Variants in EMILIN2 observed in about 807,000 individuals in gnomAD.
EMILIN2 encodes the protein EMILIN-2.
In EMILIN2, 71 loss-of-function variants were observed where a neutral mutation model predicts 87.1. The observed-to-expected ratio is 0.82, with a 90% CI of 0.67 to 0.99. EMILIN2 has a LOEUF of 0.99. Ranked by LOEUF, EMILIN2 falls within the 50% of genes least tolerant of loss-of-function variation. The pLI is 0.00. For synonymous variants in EMILIN2, 581 were observed against 563.4 expected (o/e 1.03, Z -0.44); for missense variants, 1,407 against 1,371.8 (o/e 1.03, Z -0.40).
At position 2,914,983 on chromosome 18, in the gene EMILIN2, A is replaced by T. The variant is rs2076959367; in HGVS notation, c.*1579A>T. 1.3e-5 allele frequency: 2 copies of T among 152,310 alleles called. No individual in the cohort carries two copies. The highest frequency in any genetic ancestry group is 4.8e-5 in the African/African-American group (2 of 41,464). The allele number at this position is 152,310 out of a possible 1,614,324, so 9.4% of individuals were successfully genotyped here. ...AGGAATGACTCATGGAAAGCGCCCC[A>T]GTGCAGCAGTGTTTTCAGGAAAACC... On this transcript the variant is annotated 3_prime_UTR_variant, in exon 8 of 8. Coordinates refer to ENST00000254528, the MANE Select transcript of EMILIN2 (RefSeq NM_032048.3).
rs946021514 is a variant in EMILIN2, at chr18:2,880,334, C to A, written c.258-4630C>A. ...CTCCTGGGCCAGTCTAGTGTCTTGA[C>A]ACGGTTGCTGAACCCATTAAAATGG... On this transcript the variant is annotated intron_variant, in intron 2 of 7. Transcript: ENST00000254528. This position sits in a 1 kb window ranked among gnomAD's most constrained non-coding sequence, Gnocchi z 4.1. Among the ~76,000 whole-genome samples the A allele has an allele frequency of 4.6e-5, 7 of 152,138 alleles. No homozygotes were observed. The highest frequency in any genetic ancestry group is 1.7e-4 in the African/African-American group (7 of 41,428).
At position 2,891,206 on chromosome 18, in the gene EMILIN2, G is replaced by T; in HGVS notation, c.1079G>T (p.Ser360Ile). Reference sequence around the variant, plus strand: ...CAGCAGCAGTGTGATGACTATGGGAGCAGCTACCTGGGAGTGATAGAGCTC... The same window carrying T: ...CAGCAGCAGTGTGATGACTATGGGATCAGCTACCTGGGAGTGATAGAGCTC... ...GLQQQCDDYG[S>I]SYLGVIELIG... Residue 360 changes from serine to isoleucine, a missense_variant, in exon 4 of 8, where the codon AGC (serine) becomes ATC (isoleucine). Physicochemically the swap from Ser to Ile is moderately radical, Grantham distance 142. Coordinates refer to ENST00000254528, the MANE Select transcript of EMILIN2 (RefSeq NM_032048.3). The surrounding 1 kb of genome is among the most constrained non-coding windows in gnomAD (Gnocchi z 4.6). 6.2e-7 allele frequency: 1 copy of T among 1,614,234 alleles called. No individual in the cohort carries two copies. The highest frequency in any genetic ancestry group is 1.3e-5 in the African/African-American group (1 of 75,072).
At chr18:2,912,737 C>T (rs548885978) in intron 7 of EMILIN2, among the ~76,000 whole-genome samples, 12 of 152,264 alleles carry the variant, frequency 7.9e-5, no homozygotes, top group Non-Finnish European at 1.5e-4. Flanking sequence ...TGGCAAGCTT[C>T]GTTTTTATTG....
At chr18:2,899,695 G>C (rs1241238870) in intron 4 of EMILIN2, among the ~76,000 whole-genome samples, 1 of 151,828 alleles carries the variant, frequency 6.6e-6, no homozygotes, top group African/African-American at 2.4e-5. Context: ...GTAGAGACAG[G>C]GTTTCACCAT....
chr18:2,881,181 A>G (rs1257946210), intron 2 of EMILIN2, among the ~76,000 whole-genome samples: 1 of 152,150 alleles, frequency 6.6e-6, no homozygotes, highest in Non-Finnish European at 1.5e-5. Flanking sequence ...GCAGGGCCCA[A>G]GGCCACCTCT....
intron 4 of EMILIN2, among the ~76,000 whole-genome samples, chr18:2,899,700 C>A (rs1289566940): frequency 6.6e-6 from 1 of 152,098 alleles, no homozygotes; most frequent in Non-Finnish European, 1.5e-5. Flanking sequence ...GACAGGGTTT[C>A]ACCATGTTGG....
At chr18:2,846,373 T>C (rs903865905), upstream of EMILIN2, among the ~76,000 whole-genome samples, 6 of 152,286 alleles carry the variant, frequency 3.9e-5, no homozygotes, top group East Asian at 1.9e-4. The surrounding 1 kb of genome is among the most constrained non-coding windows in gnomAD (Gnocchi z 5.3). Flanking sequence ...TGGAGGAGAA[T>C]TGCAGTAAGT....
chr18:2,871,100 G>A (rs1334979862), intron 2 of EMILIN2, among the ~76,000 whole-genome samples: 1 of 152,116 alleles, frequency 6.6e-6, no homozygotes, highest in Non-Finnish European at 1.5e-5. Flanking sequence ...ACATTTTCCG[G>A]TACTGGGGGT....
At chr18:2,909,251 T>A (rs2076929459) in intron 6 of EMILIN2, among the ~76,000 whole-genome samples, 1 of 152,164 alleles carries the variant, frequency 6.6e-6, no homozygotes, top group African/African-American at 2.4e-5. Context: ...AGGGGATCAC[T>A]GGGTGGGCCT....
chr18:2,875,538 A>G (rs902835686), intron 2 of EMILIN2, among the ~76,000 whole-genome samples: 1 of 152,116 alleles, frequency 6.6e-6, no homozygotes, highest in African/African-American at 2.4e-5. Flanking sequence ...GCCTCCATCA[A>G]GTCTTCGATG....
upstream of EMILIN2, chr18:2,846,706 G>C (rs1181019541): frequency 2.0e-6 from 2 of 978,444 alleles, no homozygotes; most frequent in South Asian, 9.4e-5. This position sits in a 1 kb window ranked among gnomAD's most constrained non-coding sequence, Gnocchi z 5.3. Context: ...CGCCGACGGC[G>C]GCCGCGTCCC....
intron 2 of EMILIN2, among the ~76,000 whole-genome samples, chr18:2,849,457 A>G (rs1158631924): frequency 6.6e-6 from 1 of 152,104 alleles, no homozygotes; most frequent in Non-Finnish European, 1.5e-5. Context: ...ATTTTCTCAA[A>G]TTATTTTAGC....
At chr18:2,865,179 G>T (rs1047908144) in intron 2 of EMILIN2, among the ~76,000 whole-genome samples, 2 of 151,924 alleles carry the variant, frequency 1.3e-5, no homozygotes, top group African/African-American at 4.8e-5. Flanking sequence ...CCTTTAGCTC[G>T]TAGTAGTTTG....
Position 2,907,154 on chromosome 18 carries a change from T to G in EMILIN2, c.2662+69T>G, listed in dbSNP as rs2076918530. 4.1e-6 allele frequency: 5 copies of G among 1,218,556 alleles called. No individual in the cohort carries two copies. The African/African-American group carries it at 4.7e-5, about 11-fold the overall frequency. The allele number at this position is 1,218,556 out of a possible 1,614,324, so 75.5% of individuals were successfully genotyped here. On this transcript the variant is annotated intron_variant, in intron 5 of 7. Transcript: ENST00000254528. ...GAACTTCCGCCTGAGCCTCGGGGTC[T>G]GCTGAGGGGCGTGGCGGTTCGGGGT...
chr18:2,901,009 T>C (rs4797091), intron 4 of EMILIN2, among the ~76,000 whole-genome samples: 112,261 of 152,212 alleles, frequency 0.74, 41,710 homozygotes, highest in East Asian at 0.87. Flanking sequence ...ACTTAACATT[T>C]GCACAGTGTT....
chr18:2,892,364 G>C lies in EMILIN2; in HGVS notation c.2237G>C (p.Gly746Ala), dbSNP rs372838211. ...TGGAACTGTGTCAGGCAGATGAACG[G>C]AACGCTCAGGTCGCATTCCAGAGAC... ...SLWNCVRQMN[G>A]TLRSHSRDIS... Residue 746 changes from glycine to alanine, a missense_variant, in exon 4 of 8, where the codon GGA becomes GCA. Coordinates refer to ENST00000254528, the MANE Select transcript of EMILIN2 (RefSeq NM_032048.3). 41 of 1,614,054 alleles carry C rather than the reference G, an allele frequency of 2.5e-5. No individual in the cohort carries two copies. Among genetic ancestry groups the C allele is most frequent in the Non-Finnish European group, 2.0e-5 (24 of 1,180,040 alleles).
At chr18:2,898,974 G>A (rs370040912) in intron 4 of EMILIN2, among the ~76,000 whole-genome samples, 3 of 152,294 alleles carry the variant, frequency 2.0e-5, no homozygotes, top group African/African-American at 4.8e-5. Flanking sequence ...CCTTTGGTTC[G>A]TGTAAACCGC....
At chr18:2,876,628 T>C (rs80280207) in intron 2 of EMILIN2, among the ~76,000 whole-genome samples, 1 of 137,946 alleles carries the variant, frequency 7.2e-6, no homozygotes, top group African/African-American at 2.7e-5. Flanking sequence ...TAGCCGGGTG[T>C]GGTGGCGGGC....
chr18:2,867,746 ACTT>A (rs376458051), intron 2 of EMILIN2, among the ~76,000 whole-genome samples: 8,658 of 152,306 alleles, frequency 0.057, 313 homozygotes, highest in Admixed American at 0.11. Context: ...TCCCATGTCT[ACTT>A]CTTTCTACAC....
Sources: allele counts gnomAD v4.1 joint callset (sites outside exome capture counted in the v4.1 genomes callset), GRCh38; gene constraint gnomAD v4.1.1; non-coding constraint Gnocchi (gnomAD v3.1); transcripts MANE v1.5; gene names NCBI Gene and HGNC (gene_info 2026-07-23, HGNC 2026-07-21).